The following PTGFR variants were observed in gnomAD, a reference collection of about 807,000 sequenced individuals.
PTGFR encodes prostaglandin F2-alpha receptor.
In PTGFR, 15 loss-of-function variants were observed where a neutral mutation model predicts 26.2. The observed-to-expected ratio is 0.57, with a 90% CI of 0.38 to 0.88. PTGFR has a LOEUF of 0.88. Among genes scored for constraint, PTGFR ranks in the 40% least tolerant of loss-of-function variants. The pLI is 0.00. For synonymous variants in PTGFR, 165 were observed against 151.1 expected, an observed-to-expected ratio of 1.09 and a Z score of -0.68; for missense variants, 369 against 427.2, an observed-to-expected ratio of 0.86 and a Z score of 1.20.
chr1:78,509,266 C>T (rs768183958), intron 2 of PTGFR, among the ~76,000 whole-genome samples: 2 of 152,144 alleles, frequency 1.3e-5, no homozygotes, highest in Admixed American at 1.3e-4. Flanking sequence ...ATGATGCTGA[C>T]AATGGTGGTC....
At chr1:78,514,817 C>T (rs1349145539) in intron 2 of PTGFR, among the ~76,000 whole-genome samples, 1 of 152,106 alleles carries the variant, frequency 6.6e-6, no homozygotes, top group Non-Finnish European at 1.5e-5. Flanking sequence ...TGAGTTCTCA[C>T]TCAGTTCATA....
In PTGFR at chr1:78,492,894, C is replaced by T; in HGVS notation, c.151C>T (p.Leu51Phe). Reference protein sequence around the residue: ...ILSNSLAIAILMKAYQRFRQK... With the variant: ...ILSNSLAIAIFMKAYQRFRQK... ...GTCAAACAGCCTTGCCATCGCCATTCTCATGAAGGCATATCAGAGATTTAG... is the reference window on the plus strand; with the variant it reads ...GTCAAACAGCCTTGCCATCGCCATTTTCATGAAGGCATATCAGAGATTTAG... Residue 51 changes from leucine (L) to phenylalanine (F), a missense_variant, in exon 2 of 3, where the codon CTC (leucine) becomes TTC (phenylalanine). Coordinates refer to ENST00000370757, the MANE Select transcript of PTGFR (RefSeq NM_000959.4). 1.2e-6 allele frequency: 2 copies of T among 1,614,224 alleles called. No homozygotes were observed. Among genetic ancestry groups the T allele is most frequent in the Non-Finnish European group, 8.5e-7 (1 of 1,180,042 alleles).
chr1:78,523,692 T>C (rs1465917590), intron 2 of PTGFR, among the ~76,000 whole-genome samples: 5 of 152,162 alleles, frequency 3.3e-5, no homozygotes, highest in Admixed American at 2.0e-4. Flanking sequence ...TTTTAAATAA[T>C]ATTTTAAACT....
At chr1:78,514,786 C>T (rs1029835221) in intron 2 of PTGFR, among the ~76,000 whole-genome samples, 6 of 152,076 alleles carry the variant, frequency 3.9e-5, no homozygotes, top group African/African-American at 1.2e-4. Flanking sequence ...AATGATTTAG[C>T]GCCAATGCCT....
At position 78,493,050 on chromosome 1, in the gene PTGFR, C is replaced by T; in HGVS notation, c.307C>T (p.Gln103Ter). The T allele has an allele frequency of 6.2e-7, 1 of 1,614,222 alleles. No individual in the cohort carries two copies. The highest frequency in any genetic ancestry group is 8.5e-7 in the Non-Finnish European group (1 of 1,180,044). Residue 103 changes from glutamine (Q) to a stop codon, truncating the protein, a stop_gained, in exon 2 of 3, where the codon CAA (glutamine) becomes TAA (stop). Transcript: ENST00000370757. LOFTEE classifies it high-confidence loss of function. ...ASDKEWIRFDQSNVLCSIFGI... is the reference protein window; with the variant it reads ...ASDKEWIRFD ...TGATAAAGAATGGATCCGCTTTGACCAATCAAATGTCCTTTGCAGTATTTT... is the reference window on the plus strand; with the variant it reads ...TGATAAAGAATGGATCCGCTTTGACTAATCAAATGTCCTTTGCAGTATTTT...
intron 2 of PTGFR, among the ~76,000 whole-genome samples, chr1:78,509,986 T>C (rs1167300494): frequency 2.6e-5 from 4 of 152,226 alleles, no homozygotes; most frequent in African/African-American, 4.8e-5. Context: ...TTGTTTTACA[T>C]GGTTGCTAAA....
At chr1:78,501,973 A>G (rs958632560) in intron 2 of PTGFR, among the ~76,000 whole-genome samples, 23 of 152,222 alleles carry the variant, frequency 1.5e-4, no homozygotes, top group East Asian at 1.9e-4. Context: ...CACCATCCCA[A>G]TGAAAAATAA....
intron 2 of PTGFR, among the ~76,000 whole-genome samples, chr1:78,505,248 G>A (rs1649801195): frequency 6.7e-6 from 1 of 150,344 alleles, no homozygotes; most frequent in South Asian, 2.1e-4. Context: ...TCAGCCTCCT[G>A]AGTAGCTGGG....
chr1:78,511,208 G>A (rs1171059299), intron 2 of PTGFR, among the ~76,000 whole-genome samples: 1 of 152,200 alleles, frequency 6.6e-6, no homozygotes, highest in Non-Finnish European at 1.5e-5. Context: ...GACTCTGTAT[G>A]GGGGCTCCAA....
Position 78,538,371 on chromosome 1 carries a change from T to C in PTGFR, c.*1684T>C, listed in dbSNP as rs1650708398. On this transcript the variant is annotated 3_prime_UTR_variant, in exon 3 of 3. Coordinates refer to ENST00000370757, the MANE Select transcript of PTGFR (RefSeq NM_000959.4). Reference sequence around the variant, plus strand: ...ATGATGTCACCCTGGCCATGTGTACTGACTTGAGGAGATCTTGCAACATGG... The same window carrying C: ...ATGATGTCACCCTGGCCATGTGTACCGACTTGAGGAGATCTTGCAACATGG... 6.6e-6 allele frequency: 1 copy of C among 152,032 alleles called. No homozygotes were observed. Among genetic ancestry groups the C allele is most frequent in the South Asian group, 2.1e-4 (1 of 4,832 alleles). 9.4% of individuals were successfully genotyped at this position (152,032 alleles called of 1,614,324 possible). A position where few individuals can be genotyped will look rare whatever the true frequency, so the allele number is the denominator to read the frequency against.
At chr1:78,509,733 G>A (rs546332822) in intron 2 of PTGFR, among the ~76,000 whole-genome samples, 1 of 152,302 alleles carries the variant, frequency 6.6e-6, no homozygotes, top group African/African-American at 2.4e-5. Context: ...GCCCAATTTA[G>A]ATGGTCTGTA....
chr1:78,516,444 GA>G (rs1184622273), intron 2 of PTGFR, among the ~76,000 whole-genome samples: 1 of 152,194 alleles, frequency 6.6e-6, no homozygotes, highest in Non-Finnish European at 1.5e-5. Context: ...GATATGTAGA[GA>G]AAAGTAAACC....
Position 78,493,154 on chromosome 1 carries a change from C to A in PTGFR, c.411C>A (p.Val137=). ...SVMAIERCIG[V]TKPIFHSTKI... ...TGGCCATTGAGCGGTGTATTGGAGT[C>A]ACAAAACCAATATTTCATTCTACGA... The change falls in exon 2 of 3, where the codon GTC becomes GTA. Residue 137 remains valine, a synonymous_variant. Transcript: ENST00000370757. The A allele has an allele frequency of 2.5e-6, 4 of 1,614,170 alleles. No individual in the cohort carries two copies. The highest frequency in any genetic ancestry group is 3.4e-6 in the Non-Finnish European group (4 of 1,180,024).
At chr1:78,536,280 G>A (rs890491562) in intron 2 of PTGFR, 126 bp from the exon 3 acceptor site, 1 of 878,276 alleles carries the variant, frequency 1.1e-6, no homozygotes, top group Admixed American at 2.8e-5. Context: ...CTTTCTGTCA[G>A]TATTTTAAAC....
In PTGFR at chr1:78,493,226, G is replaced by C; in HGVS notation, c.483G>C (p.Leu161Phe). The change falls in exon 2 of 3, where the codon TTG becomes TTC. Residue 161 changes from leucine (L) to phenylalanine (F), a missense_variant. By Grantham distance (22) the Leu-to-Phe change is conservative. Transcript: ENST00000370757. Reference sequence around the variant, plus strand: ...AAATGATGTTAAGTGGTGTGTGCTTGTTTGCTGTTTTCATAGCTTTGCTGC... The same window carrying C: ...AAATGATGTTAAGTGGTGTGTGCTTCTTTGCTGTTTTCATAGCTTTGCTGC... ...HVKMMLSGVCLFAVFIALLPI... is the reference protein window; with the variant it reads ...HVKMMLSGVCFFAVFIALLPI... 2.5e-6 allele frequency: 4 copies of C among 1,614,160 alleles called. No individual in the cohort carries two copies. Among genetic ancestry groups the C allele is most frequent in the Non-Finnish European group, 3.4e-6 (4 of 1,180,018 alleles).
At chr1:78,502,573 C>T (rs953688788) in intron 2 of PTGFR, among the ~76,000 whole-genome samples, 2 of 152,224 alleles carry the variant, frequency 1.3e-5, no homozygotes, top group South Asian at 2.1e-4. Flanking sequence ...ATACTATTCT[C>T]ATTGTTGTTG....
At position 78,522,290 on chromosome 1, in the gene PTGFR, C is replaced by T. The variant is rs910676348; in HGVS notation, c.799-14116C>T. On this transcript the variant is annotated intron_variant, in intron 2 of 2. Coordinates refer to ENST00000370757, the MANE Select transcript of PTGFR (RefSeq NM_000959.4). ...GCTACCAGCTAGAGAAAGTTATCTG[C>T]CTTTAAAGGGACTCATGTGATTAAA... is the stretch of plus-strand genomic sequence containing the variant. 7.9e-5 allele frequency among the ~76,000 whole-genome samples: 12 copies of T among 151,970 alleles called. No individual in the cohort carries two copies. In the South Asian group the frequency reaches 8.3e-4, roughly 11 times the overall value.
At chr1:78,501,967 A>G (rs1417524645) in intron 2 of PTGFR, among the ~76,000 whole-genome samples, 6 of 152,210 alleles carry the variant, frequency 3.9e-5, no homozygotes, top group Non-Finnish European at 8.8e-5. Flanking sequence ...GCTGCCCACC[A>G]TCCCAATGAA....
In PTGFR at chr1:78,536,882, G is replaced by T. The variant is rs987668316; in HGVS notation, c.*195G>T. On this transcript the variant is annotated 3_prime_UTR_variant, in exon 3 of 3. Transcript: ENST00000370757. ...AACTGTACATTTTTCACTTGTTTTT[G>T]CCAATGGGAGGTAGACACAATAAAA... is the stretch of plus-strand genomic sequence containing the variant. The T allele has an allele frequency of 6.4e-6, 4 of 622,146 alleles. No homozygotes were observed. In the Admixed American group the frequency reaches 1.1e-4, roughly 17 times the overall value. 38.5% of individuals were successfully genotyped at this position (622,146 alleles called of 1,614,324 possible).
Sources: gnomAD v4.1 joint callset for allele counts (sites outside exome capture counted in the v4.1 genomes callset) on GRCh38, gnomAD v4.1.1 for gene constraint, MANE v1.5 for transcripts, NCBI Gene and HGNC (gene_info 2026-07-23, HGNC 2026-07-21) for gene names.